Variants in CNTRL observed in about 807,000 individuals in gnomAD.
The protein encoded by CNTRL is centriolin, also known as 110 kDa centrosomal protein.
Under a neutral mutation model 303.7 loss-of-function variants are expected in CNTRL, and 233 were observed. That is an observed-to-expected ratio of 0.77 (90% CI 0.69 to 0.86). The LOEUF (loss-of-function observed/expected upper bound fraction) is 0.86, where lower values mean the gene tolerates loss of function less well. Among genes scored for constraint, CNTRL ranks in the 40% least tolerant of loss-of-function variants. The pLI is 0.00. For missense variants in CNTRL, 2,524 were observed against 2,650.6 expected, an observed-to-expected ratio of 0.95 and a Z score of 1.05; for synonymous variants, 900 against 922.2, an observed-to-expected ratio of 0.98 and a Z score of 0.44.
chr9:121,137,211 A>G (rs931510529), intron 15 of CNTRL, among the ~76,000 whole-genome samples: 5 of 152,216 alleles, frequency 3.3e-5, no homozygotes, highest in African/African-American at 1.2e-4. Context: ...ATCTTCTTTC[A>G]GGAAGCCCAC....
At chr9:121,141,726 G>A in intron 18 of CNTRL, 138 bp downstream of exon 18, 1 of 841,006 alleles carries the variant, frequency 1.2e-6, no homozygotes. Context: ...CAAGCTGGGT[G>A]TGACTAAAAC....
chr9:121,122,082 C>A (rs2050262726), intron 12 of CNTRL: 2 of 285,998 alleles, frequency 7.0e-6, no homozygotes, highest in Non-Finnish European at 1.0e-5. Flanking sequence ...ACTTTTGTTC[C>A]CATGTATTTA....
intron 7 of CNTRL, among the ~76,000 whole-genome samples, chr9:121,104,672 G>A (rs1399056483): frequency 6.7e-6 from 1 of 150,262 alleles, no homozygotes; most frequent in Non-Finnish European, 1.5e-5. Flanking sequence ...TTTATTTCAG[G>A]TGCATTGGAA....
At chr9:121,110,649 G>A (rs967239348) in intron 8 of CNTRL, among the ~76,000 whole-genome samples, 4 of 151,852 alleles carry the variant, frequency 2.6e-5, no homozygotes, top group Non-Finnish European at 4.4e-5. Context: ...TACATTTTAA[G>A]TTTTGAAACT....
In CNTRL at chr9:121,162,192, G is replaced by A. The variant is rs150794854; in HGVS notation, c.5344G>A (p.Val1782Ile). 5.6e-5 allele frequency: 91 copies of A among 1,614,036 alleles called. No homozygotes were observed. Among genetic ancestry groups the A allele is most frequent in the Non-Finnish European group, 7.1e-5 (84 of 1,180,034 alleles). ...TGAGTCCCGAGCTTTACAATCGTGT[G>A]TTGAGTGTTTGAGCAAAGAAAAGGA... ...TAESRALQSC[V>I]ECLSKEKEDL... Residue 1782 changes from valine to isoleucine, a missense_variant, in exon 34 of 44, where the codon GTT (valine) becomes ATT (isoleucine). Coordinates refer to ENST00000373855, the MANE Select transcript of CNTRL (RefSeq NM_007018.6).
chr9:121,084,839 C>T (rs754310062), intron 2 of CNTRL, among the ~76,000 whole-genome samples: 47 of 152,132 alleles, frequency 3.1e-4, no homozygotes, highest in Non-Finnish European at 3.2e-4. Context: ...CCACTATGCC[C>T]GGCTGAGGAT....
chr9:121,088,414 A>G lies in CNTRL; in HGVS notation c.88A>G (p.Met30Val). The change falls in exon 3 of 44, where the codon ATG (methionine) becomes GTG (valine). Residue 30 changes from methionine to valine, a missense_variant. Transcript: ENST00000373855. Reference sequence around the variant, plus strand: ...TCCTATCCCATCATCTATGTCCAATATGAGATCTAGGTCACTTTCACCTTT... The same window carrying G: ...TCCTATCCCATCATCTATGTCCAATGTGAGATCTAGGTCACTTTCACCTTT... The part of the protein sequence containing the change: ...HSPIPSSMSN[M>V]RSRSLSPLIG... 6.2e-7 allele frequency: 1 copy of G among 1,612,252 alleles called. No homozygotes were observed. The highest frequency in any genetic ancestry group is 8.5e-7 in the Non-Finnish European group (1 of 1,178,292).
At chr9:121,158,566 G>A (rs947157906) in intron 30 of CNTRL, 17 of 291,680 alleles carry the variant, frequency 5.8e-5, no homozygotes, top group African/African-American at 3.5e-4. Context: ...ATGTCAAAAT[G>A]GAATTAGGGT....
intron 9 of CNTRL, among the ~76,000 whole-genome samples, chr9:121,113,159 G>A (rs1313381807): frequency 6.6e-6 from 1 of 151,990 alleles, no homozygotes; most frequent in East Asian, 1.9e-4. Flanking sequence ...TTATTTATAT[G>A]AGCCAAGAAA....
chr9:121,092,727 ATATATAATATATATC>A lies in CNTRL; in HGVS notation c.349-2154_349-2140del, dbSNP rs1180103922. ...CTATATATATAATATATATCTATAT[ATATATAATATATATC>A]TATATATAATATATATCTATATATA... On this transcript the variant is annotated intron_variant, in intron 4 of 43. Coordinates refer to ENST00000373855, the MANE Select transcript of CNTRL (RefSeq NM_007018.6). Among the ~76,000 whole-genome samples, 3 of 43,000 alleles carry A rather than the reference ATATATAATATATATC, an allele frequency of 7.0e-5. 1 individual carries two copies. The highest frequency in any genetic ancestry group is 2.3e-4 in the African/African-American group (3 of 13,162). The allele number at this position is 43,000 out of a possible 152,430, so 28.2% of individuals were successfully genotyped here. A position where few individuals can be genotyped will look rare whatever the true frequency, so the allele number is the denominator to read the frequency against.
intron 20 of CNTRL, 98 bp downstream of exon 20, chr9:121,144,180 T>G (rs2051695072): frequency 1.9e-6 from 2 of 1,046,698 alleles, no homozygotes; most frequent in Non-Finnish European, 2.7e-6. Context: ...ATTGGTTATT[T>G]TATAAACCAC....
intron 3 of CNTRL, among the ~76,000 whole-genome samples, chr9:121,090,004 G>A (rs2048493882): frequency 6.6e-6 from 1 of 151,730 alleles, no homozygotes; most frequent in Non-Finnish European, 1.5e-5. Flanking sequence ...ATACGTTATA[G>A]TATTACAATA....
intron 1 of CNTRL, among the ~76,000 whole-genome samples, chr9:121,075,684 C>T (rs1380536954): frequency 6.6e-6 from 1 of 152,216 alleles, no homozygotes; most frequent in Non-Finnish European, 1.5e-5. Context: ...CCTTCCTGAT[C>T]ATGTTTCCTC....
rs531981372 is a variant in CNTRL at position 121,171,492 on chromosome 9, C to A, written c.6361C>A (p.Arg2121Ser). 1 of 1,614,028 alleles carries A rather than the reference C, an allele frequency of 6.2e-7. No individual in the cohort carries two copies. Among genetic ancestry groups the A allele is most frequent in the South Asian group, 1.1e-5 (1 of 91,064 alleles). Residue 2121 changes from arginine to serine, a missense_variant, in exon 40 of 44, where the codon CGC becomes AGC. Arg to Ser is a moderately radical substitution (Grantham distance 110, BLOSUM62 -1). Transcript: ENST00000373855. ...VAQDNHERAR[R>S]LMKELNQMQY... ...CCAGGACAACCATGAGCGGGCCAGGCGCCTGATGAAGGAGCTCAACCAGAT... is the reference window on the plus strand; with the variant it reads ...CCAGGACAACCATGAGCGGGCCAGGAGCCTGATGAAGGAGCTCAACCAGAT...
In CNTRL at chr9:121,134,919, A is replaced by T. The variant is rs528388698; in HGVS notation, c.2026-887A>T. 2.0e-3 allele frequency among the ~76,000 whole-genome samples: 312 copies of T among 152,262 alleles called. 2 individuals carry two copies. Among genetic ancestry groups the T allele is most frequent in the African/African-American group, 7.1e-3 (296 of 41,564 alleles). On this transcript the variant is annotated intron_variant, in intron 14 of 43. Transcript: ENST00000373855. ...TGCCTTTTCTTAAAGATTTGTAGGAATTCTTTACATATTCTGGATAATAAT... is the reference window on the plus strand; with the variant it reads ...TGCCTTTTCTTAAAGATTTGTAGGATTTCTTTACATATTCTGGATAATAAT...
rs2053570498 is a variant in CNTRL at position 121,177,422 on chromosome 9, T to G, written c.*236T>G. ...TTTAAACCAACATGTGGCTGAGCCT[T>G]TTTTTTTTTAATCTTCGTAACATGT... On this transcript the variant is annotated 3_prime_UTR_variant, in exon 44 of 44. Transcript: ENST00000373855. 5.5e-6 allele frequency: 2 copies of G among 363,614 alleles called. No homozygotes were observed. The highest frequency in any genetic ancestry group is 4.9e-6 in the Non-Finnish European group (1 of 204,606). 22.5% of individuals were successfully genotyped at this position (363,614 alleles called of 1,614,324 possible).
At chr9:121,120,456 T>C (rs2050176110) in intron 12 of CNTRL, among the ~76,000 whole-genome samples, 1 of 152,218 alleles carries the variant, frequency 6.6e-6, no homozygotes, top group African/African-American at 2.4e-5. Context: ...CTTACTTTAT[T>C]GCATATGTTT....
chr9:121,125,748 G>A lies in CNTRL; in HGVS notation c.1837G>A (p.Asp613Asn). The change falls in exon 14 of 44, where the codon GAT (aspartate) becomes AAT (asparagine). Residue 613 changes from aspartate to asparagine, a missense_variant. Physicochemically the swap from Asp to Asn is conservative, Grantham distance 23. Transcript: ENST00000373855. ...QIAANEALKK[D>N]LEGVISGLQE... ...AGCAGCAAATGAAGCCCTGAAGAAG[G>A]ATTTAGAAGGTGTTATCAGTGGGTT... 1 of 1,614,152 alleles carries A rather than the reference G, an allele frequency of 6.2e-7. No individual in the cohort carries two copies.
At chr9:121,095,460 A>G (rs556283392) in intron 5 of CNTRL, among the ~76,000 whole-genome samples, 1 of 152,300 alleles carries the variant, frequency 6.6e-6, no homozygotes, top group South Asian at 2.1e-4. Flanking sequence ...CCTGTTTCCA[A>G]TTCATAATAT....
Sources: gnomAD v4.1 joint callset for allele counts (sites outside exome capture counted in the v4.1 genomes callset) on GRCh38, gnomAD v4.1.1 for gene constraint, MANE v1.5 for transcripts, NCBI Gene and HGNC (gene_info 2026-07-23, HGNC 2026-07-21) for gene names.